GRM7: variants seen among roughly 807,000 people sequenced by gnomAD.
GRM7 encodes metabotropic glutamate receptor 7.
Under a neutral mutation model 84.5 loss-of-function variants are expected in GRM7, and 35 were observed. That is an observed-to-expected ratio of 0.41 (90% CI 0.32 to 0.55). The LOEUF (loss-of-function observed/expected upper bound fraction) is 0.55, where lower values mean the gene tolerates loss of function less well. Among genes scored for constraint, GRM7 ranks in the 20% least tolerant of loss-of-function variants. The probability of loss-of-function intolerance (pLI) is 0.19; values close to 1 mark genes in which losing one functional copy is unlikely to be tolerated. For synonymous variants in GRM7, 487 were observed against 455.1 expected (o/e 1.07, Z -0.89); for missense variants, 1,003 against 1,194.6 (o/e 0.84, Z 2.36).
rs1698554125 is a variant in GRM7 at position 7,468,510 on chromosome 3, T to C, written c.1515+6788T>C. ...AATATATATAACATGCTAAAAACAG[T>C]GTCTGGCATGTAGTAAATGTTCAGC... On this transcript the variant is annotated intron_variant, in intron 7 of 9. Transcript: ENST00000357716. Among the ~76,000 whole-genome samples the C allele has an allele frequency of 2.0e-5, 3 of 152,134 alleles. No individual in the cohort carries two copies. In the South Asian group the frequency reaches 6.2e-4, roughly 32 times the overall value.
At chr3:7,023,052 G>A (rs1436748314) in intron 1 of GRM7, among the ~76,000 whole-genome samples, 1 of 151,952 alleles carries the variant, frequency 6.6e-6, no homozygotes, top group African/African-American at 2.4e-5. Flanking sequence ...ATGGGAGGTG[G>A]GAGGCAGATA....
At chr3:7,083,543 A>C (rs9875041) in intron 1 of GRM7, among the ~76,000 whole-genome samples, 75,728 of 151,790 alleles carry the variant, frequency 0.5, 20,218 homozygotes, top group African/African-American at 0.71. Context: ...GTTCCTGATA[A>C]AGAAACACAG....
intron 7 of GRM7, among the ~76,000 whole-genome samples, chr3:7,570,470 A>T (rs1694593921): frequency 6.6e-6 from 1 of 152,156 alleles, no homozygotes; most frequent in Non-Finnish European, 1.5e-5. Flanking sequence ...CAAGTCCAAA[A>T]TCCAGCAGGG....
intron 7 of GRM7, among the ~76,000 whole-genome samples, chr3:7,535,627 C>T (rs2125009975): frequency 6.6e-6 from 1 of 152,330 alleles, no homozygotes; most frequent in African/African-American, 2.4e-5. Context: ...ATTTCCTTCC[C>T]TTCATAGTAA....
intron 7 of GRM7, among the ~76,000 whole-genome samples, chr3:7,529,703 T>C (rs1339745518): frequency 4.6e-5 from 7 of 152,036 alleles, no homozygotes; most frequent in Admixed American, 2.0e-4. Flanking sequence ...CCTTAAGATA[T>C]TGTTTTTATT....
At chr3:7,198,967 A>T (rs947872200) in intron 2 of GRM7, among the ~76,000 whole-genome samples, 2 of 152,194 alleles carry the variant, frequency 1.3e-5, no homozygotes, top group African/African-American at 4.8e-5. Context: ...TTTTAATGGG[A>T]TTCATAAACA....
intron 3 of GRM7, among the ~76,000 whole-genome samples, chr3:7,300,417 A>T (rs1699957906): frequency 6.6e-6 from 1 of 152,192 alleles, no homozygotes; most frequent in South Asian, 2.1e-4. Context: ...TTAAATGAGG[A>T]TTACTTGCTT....
chr3:7,033,950 C>T (rs1454563332), intron 1 of GRM7, among the ~76,000 whole-genome samples: 1 of 152,152 alleles, frequency 6.6e-6, no homozygotes, highest in Admixed American at 6.5e-5. Context: ...TACAATAGAA[C>T]ATTGGTTCAA....
At chr3:7,580,619 T>C (rs540427806) in intron 8 of GRM7, among the ~76,000 whole-genome samples, 1 of 152,204 alleles carries the variant, frequency 6.6e-6, no homozygotes, top group Non-Finnish European at 1.5e-5. Context: ...AATTTTGAAC[T>C]GTGTTTTTAA....
chr3:7,580,345 T>G (rs761711648), intron 8 of GRM7, among the ~76,000 whole-genome samples: 31 of 152,200 alleles, frequency 2.0e-4, no homozygotes, highest in Admixed American at 5.2e-4. Flanking sequence ...ATAGCTTGAT[T>G]AGATGTGAGG....
intron 1 of GRM7, among the ~76,000 whole-genome samples, chr3:6,890,370 A>G (rs1260806843): frequency 1.3e-5 from 2 of 151,748 alleles, no homozygotes; most frequent in Non-Finnish European, 2.9e-5. Context: ...AGGGCATTTA[A>G]TGCTATAAAT....
intron 2 of GRM7, among the ~76,000 whole-genome samples, chr3:7,155,388 C>T (rs1378046743): frequency 6.6e-6 from 1 of 151,908 alleles, no homozygotes; most frequent in Non-Finnish European, 1.5e-5. Context: ...TCCACCCCCA[C>T]CCCTGGAATA....
At chr3:7,572,665 C>T (rs1446121335) in intron 7 of GRM7, among the ~76,000 whole-genome samples, 2 of 149,774 alleles carry the variant, frequency 1.3e-5, no homozygotes, top group Non-Finnish European at 3.0e-5. Flanking sequence ...AAAAAAAATA[C>T]AAAAAAATTA....
At chr3:7,429,561 C>G (rs983031103) in intron 5 of GRM7, among the ~76,000 whole-genome samples, 2 of 151,586 alleles carry the variant, frequency 1.3e-5, no homozygotes, top group Non-Finnish European at 2.9e-5. Context: ...TTTTTAATAC[C>G]CCTGTGTCAT....
intron 5 of GRM7, among the ~76,000 whole-genome samples, chr3:7,417,933 G>A (rs1346214428): frequency 2.0e-5 from 3 of 152,130 alleles, no homozygotes; most frequent in Admixed American, 2.0e-4. Flanking sequence ...TGAGGTCAGA[G>A]TATAGCAATG....
At position 6,921,386 on chromosome 3, in the gene GRM7, A is replaced by C. The variant is rs559191348; in HGVS notation, c.519+59479A>C. On this transcript the variant is annotated intron_variant, in intron 1 of 9. Coordinates refer to ENST00000357716, the MANE Select transcript of GRM7 (RefSeq NM_000844.4). ...ACCATCTAATGCCGGGCTGGTTTCAATAAGCCAAGTCCTTTTTCTGTCAGT... is the reference window on the plus strand; with the variant it reads ...ACCATCTAATGCCGGGCTGGTTTCACTAAGCCAAGTCCTTTTTCTGTCAGT... 2.6e-5 allele frequency among the ~76,000 whole-genome samples: 4 copies of C among 152,298 alleles called. No individual in the cohort carries two copies. The South Asian group carries it at 8.3e-4, about 32-fold the overall frequency.
intron 1 of GRM7, among the ~76,000 whole-genome samples, chr3:6,904,915 G>T (rs1308965536): frequency 6.6e-6 from 1 of 152,024 alleles, no homozygotes; most frequent in Non-Finnish European, 1.5e-5. Context: ...TAGAGACTGG[G>T]TCTTGCTATG....
At chr3:7,076,097 G>A (rs1029238765) in intron 1 of GRM7, among the ~76,000 whole-genome samples, 1 of 152,160 alleles carries the variant, frequency 6.6e-6, no homozygotes, top group African/African-American at 2.4e-5. Flanking sequence ...GAGGCCCTCT[G>A]CTGGGCATGG....
intron 2 of GRM7, among the ~76,000 whole-genome samples, chr3:7,271,513 C>T (rs1381894037): frequency 2.8e-5 from 4 of 141,900 alleles, no homozygotes; most frequent in Admixed American, 2.3e-4. Flanking sequence ...GAGCTGAAAT[C>T]GCGTCATTGC....
Sources: allele counts gnomAD v4.1 joint callset (sites outside exome capture counted in the v4.1 genomes callset), GRCh38; gene constraint gnomAD v4.1.1; transcripts MANE v1.5; gene names NCBI Gene and HGNC (gene_info 2026-07-23, HGNC 2026-07-21).